Variants in ATG5 observed in about 807,000 individuals in gnomAD.
ATG5 encodes autophagy related 5.
Under a neutral mutation model 36.5 loss-of-function variants are expected in ATG5, and 14 were observed. The ratio of observed to expected loss-of-function variants is 0.38; its 90% confidence interval spans 0.25 to 0.60. The LOEUF is 0.60. Among genes scored for constraint, ATG5 ranks in the 20% least tolerant of loss-of-function variants. The probability of loss-of-function intolerance (pLI) is 0.60; values close to 1 mark genes in which losing one functional copy is unlikely to be tolerated. For missense variants in ATG5, 195 were observed against 326.7 expected (o/e 0.60, Z 3.11); for synonymous variants, 95 against 101.5 (o/e 0.94, Z 0.38).
intron 6 of ATG5, among the ~76,000 whole-genome samples, chr6:106,223,473 GTAGA>G (rs1464193783): frequency 6.6e-6 from 1 of 152,154 alleles, no homozygotes; most frequent in Non-Finnish European, 1.5e-5. Flanking sequence ...TCTCAGCGTA[GTAGA>G]TAGCTTAGGG....
intron 7 of ATG5, among the ~76,000 whole-genome samples, chr6:106,198,102 C>T (rs925631211): frequency 6.7e-6 from 1 of 149,418 alleles, no homozygotes; most frequent in Admixed American, 6.7e-5. Context: ...AACAAACACC[C>T]TTATAACAGA....
At chr6:106,194,770 C>T (rs956564555) in intron 7 of ATG5, among the ~76,000 whole-genome samples, 4 of 152,120 alleles carry the variant, frequency 2.6e-5, no homozygotes, top group African/African-American at 9.7e-5. Flanking sequence ...CTCCTGACCT[C>T]AGGTGATCCA....
At chr6:106,307,347 A>T (rs1766199) in intron 3 of ATG5, among the ~76,000 whole-genome samples, 1 of 152,102 alleles carries the variant, frequency 6.6e-6, no homozygotes, top group East Asian at 1.9e-4. Context: ...TATCCAAATG[A>T]TAGCATTTCA....
At chr6:106,308,950 G>C (rs1770547272) in intron 2 of ATG5, among the ~76,000 whole-genome samples, 1 of 152,080 alleles carries the variant, frequency 6.6e-6, no homozygotes, top group South Asian at 2.1e-4. Context: ...TTTGAAGGCT[G>C]AGAGAGAATG....
intron 1 of ATG5, among the ~76,000 whole-genome samples, chr6:106,323,111 G>C (rs1483028370): frequency 2.0e-5 from 3 of 151,422 alleles, no homozygotes; most frequent in Non-Finnish European, 4.4e-5. Flanking sequence ...TTGTTTTTTT[G>C]TATTTTTAGT....
At chr6:106,212,306 T>C (rs995573687) in intron 6 of ATG5, among the ~76,000 whole-genome samples, 5 of 152,218 alleles carry the variant, frequency 3.3e-5, no homozygotes, top group African/African-American at 1.2e-4. Flanking sequence ...TAACTATGAG[T>C]GTGCTTGTTC....
intron 3 of ATG5, among the ~76,000 whole-genome samples, chr6:106,306,917 A>T (rs926565669): frequency 1.4e-4 from 22 of 152,214 alleles, no homozygotes; most frequent in African/African-American, 4.8e-4. Context: ...ACACAAGAAG[A>T]ATCAGAGGAG....
At chr6:106,296,480 TA>T (rs1192189701) in intron 3 of ATG5, among the ~76,000 whole-genome samples, 1 of 152,214 alleles carries the variant, frequency 6.6e-6, no homozygotes, top group Non-Finnish European at 1.5e-5. Flanking sequence ...TTCATTTTCT[TA>T]TGTGTTGCCT....
chr6:106,229,126 T>G (rs1777565025), intron 6 of ATG5, among the ~76,000 whole-genome samples: 1 of 152,268 alleles, frequency 6.6e-6, no homozygotes, highest in South Asian at 2.1e-4. Context: ...CTACTTCCTC[T>G]GATCCCTGCC....
At chr6:106,237,531 G>A (rs1777950473) in intron 6 of ATG5, among the ~76,000 whole-genome samples, 1 of 152,174 alleles carries the variant, frequency 6.6e-6, no homozygotes, top group South Asian at 2.1e-4. Flanking sequence ...AATAATACTT[G>A]CCTTGTCTAC....
At chr6:106,264,360 T>C (rs1486021958) in intron 5 of ATG5, among the ~76,000 whole-genome samples, 4 of 152,072 alleles carry the variant, frequency 2.6e-5, no homozygotes, top group African/African-American at 9.7e-5. Flanking sequence ...AGACCAAACT[T>C]ACAATCGGTG....
chr6:106,266,373 A>G (rs1489729874), intron 5 of ATG5, among the ~76,000 whole-genome samples: 1 of 152,218 alleles, frequency 6.6e-6, no homozygotes, highest in Non-Finnish European at 1.5e-5. Context: ...CAACCAAAAA[A>G]GTCCAGGACC....
intron 3 of ATG5, among the ~76,000 whole-genome samples, chr6:106,293,378 T>C (rs1780397310): frequency 6.6e-6 from 1 of 152,220 alleles, no homozygotes; most frequent in African/African-American, 2.4e-5. Flanking sequence ...CCATGTGAAC[T>C]GTTATGTCAC....
At position 106,297,717 on chromosome 6, in the gene ATG5, AACACACACACACACACACAC is replaced by A. The variant is rs56336702; in HGVS notation, c.237-4631_237-4612del. On this transcript the variant is annotated intron_variant, in intron 3 of 7. Transcript: ENST00000369076. ...TCTAAATTATTTGCAAAATGACTTAAACACACACACACACACACACACACACACACACACACACACACACA... is the reference window on the plus strand; with the variant it reads ...TCTAAATTATTTGCAAAATGACTTAAACACACACACACACACACACACACA... Among the ~76,000 whole-genome samples, 783 of 135,516 alleles carry A rather than the reference AACACACACACACACACACAC, an allele frequency of 5.8e-3. 7 individuals carry two copies. Among genetic ancestry groups the A allele is most frequent in the African/African-American group, 0.018 (678 of 36,742 alleles). The allele number at this position is 135,516 out of a possible 152,430, so 88.9% of individuals were successfully genotyped here. A position where few individuals can be genotyped will look rare whatever the true frequency, so the allele number is the denominator to read the frequency against.
rs35078793 is a variant in ATG5 at position 106,276,464 on chromosome 6, C to CAAAAA, written c.478+3192_478+3196dup. 1.8e-3 allele frequency among the ~76,000 whole-genome samples: 202 copies of CAAAAA among 109,394 alleles called. 1 individual carries two copies. Among genetic ancestry groups the CAAAAA allele is most frequent in the Middle Eastern group, 5.3e-3 (1 of 190 alleles). The allele number at this position is 109,394 out of a possible 152,430, so 71.8% of individuals were successfully genotyped here. ...GGGCGACAGAGCGAGACTCTGTCTCCAAAAAAAAAAAAAAAAGAAACTGAA... is the reference window on the plus strand; with the variant it reads ...GGGCGACAGAGCGAGACTCTGTCTCCAAAAAAAAAAAAAAAAAAAAAGAAACTGAA... On this transcript the variant is annotated intron_variant, in intron 5 of 7. Coordinates refer to ENST00000369076, the MANE Select transcript of ATG5 (RefSeq NM_004849.4).
At chr6:106,319,293 A>C (rs2763210) in intron 1 of ATG5, among the ~76,000 whole-genome samples, 16,771 of 152,226 alleles carry the variant, frequency 0.11, 1,000 homozygotes, top group South Asian at 0.16. Context: ...AACTAATAAT[A>C]ATCAAAAGCA....
chr6:106,253,527 T>G (rs907143100), intron 5 of ATG5, among the ~76,000 whole-genome samples: 5 of 152,184 alleles, frequency 3.3e-5, no homozygotes, highest in South Asian at 4.1e-4. Flanking sequence ...CCCTACAAAG[T>G]AAGTGCCACA....
chr6:106,200,364 A>C (rs1248241834), intron 7 of ATG5, among the ~76,000 whole-genome samples: 1 of 152,208 alleles, frequency 6.6e-6, no homozygotes, highest in Non-Finnish European at 1.5e-5. Flanking sequence ...GTAAGAAACA[A>C]GCATTATCTG....
At chr6:106,253,638 C>T (rs915693867) in intron 5 of ATG5, among the ~76,000 whole-genome samples, 1 of 152,190 alleles carries the variant, frequency 6.6e-6, no homozygotes, top group Admixed American at 6.5e-5. Context: ...TCTGAGCCAA[C>T]ACAATAGCCT....
Sources: allele counts gnomAD v4.1 joint callset (sites outside exome capture counted in the v4.1 genomes callset), GRCh38; gene constraint gnomAD v4.1.1; transcripts MANE v1.5; gene names NCBI Gene and HGNC (gene_info 2026-07-23, HGNC 2026-07-21).